TVP23C: variants seen among roughly 807,000 people sequenced by gnomAD.
TVP23C encodes the protein trans-golgi network vesicle protein 23 homolog C, also known as Golgi apparatus membrane protein TVP23 homolog C.
Under a neutral mutation model 28.7 loss-of-function variants are expected in TVP23C, and 19 were observed. That is an observed-to-expected ratio of 0.66 (90% confidence interval 0.46 to 0.97). The LOEUF (loss-of-function observed/expected upper bound fraction) is 0.97, where lower values mean the gene tolerates loss of function less well. Among genes scored for constraint, TVP23C ranks in the 50% least tolerant of loss-of-function variants. The pLI, the probability that TVP23C is intolerant of heterozygous loss-of-function variation, is 0.00. For synonymous variants in TVP23C, 68 were observed against 81.7 expected (o/e 0.83, Z 0.90); for missense variants, 186 against 241.3 (o/e 0.77, Z 1.52).
At chr17:15,548,312 A>C (rs532305456) in intron 3 of TVP23C, among the ~76,000 whole-genome samples, 1 of 152,296 alleles carries the variant, frequency 6.6e-6, no homozygotes, top group East Asian at 1.9e-4. Flanking sequence ...GATTACAGGC[A>C]TGCGCCATCA....
In TVP23C at chr17:15,538,241, T is replaced by C; in HGVS notation, c.*2171A>G. 1 of 1,602,660 alleles carries C rather than the reference T, an allele frequency of 6.2e-7. No individual in the cohort carries two copies. The highest frequency in any genetic ancestry group is 8.5e-7 in the Non-Finnish European group (1 of 1,175,048). On this transcript the variant is annotated 3_prime_UTR_variant, in exon 6 of 6. Coordinates refer to ENST00000518321, the MANE Select transcript of TVP23C (RefSeq NM_001135036.2). The stretch of plus-strand genomic sequence containing the variant: ...TTGGGGCCTAGGCCTAGGAAAACAT[T>C]CTATATTTCTAAGCAGAGCATTACC...
chr17:15,512,867 C>T (rs922226455), intron 5 of TVP23C, among the ~76,000 whole-genome samples: 6 of 152,112 alleles, frequency 3.9e-5, no homozygotes, highest in Non-Finnish European at 7.4e-5. Flanking sequence ...AGGGAGATGA[C>T]CCATCCATCC....
chr17:15,507,439 T>C, intron 5 of TVP23C: 1 of 500,828 alleles, frequency 2.0e-6, no homozygotes, highest in Non-Finnish European at 3.6e-6. Flanking sequence ...GCTCACACTA[T>C]CCTGTCATCT....
chr17:15,545,761 T>C, intron 5 of TVP23C, 24 bp downstream of exon 5: 1 of 1,596,612 alleles, frequency 6.3e-7, no homozygotes. Flanking sequence ...ATGGATTATT[T>C]GAAAGTTCTA....
intron 5 of TVP23C, among the ~76,000 whole-genome samples, chr17:15,511,919 A>T (rs2150829651): frequency 6.6e-6 from 1 of 152,346 alleles, no homozygotes; most frequent in Non-Finnish European, 1.5e-5. Flanking sequence ...AAGTGCCAGG[A>T]AGATTCAAGG....
chr17:15,561,523 C>T (rs994228115), intron 1 of TVP23C, among the ~76,000 whole-genome samples: 2 of 151,058 alleles, frequency 1.3e-5, no homozygotes, highest in South Asian at 2.1e-4. Context: ...CGCTTGAAGC[C>T]GGGAGACGGA....
In TVP23C at chr17:15,537,755, C is replaced by A. The variant is rs924099539; in HGVS notation, c.*2657G>T. 2.9e-6 allele frequency: 3 copies of A among 1,027,948 alleles called. No individual in the cohort carries two copies. Among genetic ancestry groups the A allele is most frequent in the Middle Eastern group, 4.6e-4 (1 of 2,158 alleles). 63.7% of individuals were successfully genotyped at this position (1,027,948 alleles called of 1,614,324 possible). ...TAAACATATAGAGCTTTGAGACAGA[C>A]TAAGAACATCCTCCTATGTTCTATG... On this transcript the variant is annotated 3_prime_UTR_variant, in exon 6 of 6. Transcript: ENST00000518321.
At chr17:15,551,959 T>C (rs774691551) in intron 3 of TVP23C, among the ~76,000 whole-genome samples, 7 of 152,350 alleles carry the variant, frequency 4.6e-5, no homozygotes, top group Middle Eastern at 3.4e-3. Context: ...ATTGTTTTGC[T>C]ATCTATAAGT....
In TVP23C at chr17:15,540,520, C is replaced by G; in HGVS notation, c.504G>C (p.Leu168=). The change falls in exon 6 of 6, where the codon CTG becomes CTC. Residue 168 remains leucine (L), a synonymous_variant. Coordinates refer to ENST00000518321, the MANE Select transcript of TVP23C (RefSeq NM_001135036.2). ...IMGVVLQGAN[L]YGYIRCKVRS... ...GCACCTTACACCTGATGTAACCATA[C>G]AGGTTGGCACCTTGTAGCACCACAC... is the stretch of plus-strand genomic sequence containing the variant. 3 of 1,613,152 alleles carry G rather than the reference C, an allele frequency of 1.9e-6. No homozygotes were observed. The highest frequency in any genetic ancestry group is 2.5e-6 in the Non-Finnish European group (3 of 1,179,644).
At chr17:15,551,360 C>T (rs1983881465) in intron 3 of TVP23C, among the ~76,000 whole-genome samples, 1 of 151,792 alleles carries the variant, frequency 6.6e-6, no homozygotes, top group Admixed American at 6.6e-5. Flanking sequence ...CCCGCCTCAG[C>T]CTCCCAAAGT....
exon 6 of TVP23C, chr17:15,502,363 A>G (rs1006779597): frequency 1.3e-5 from 2 of 149,520 alleles, no homozygotes; most frequent in Non-Finnish European, 2.9e-5. Context: ...TAAGCCTTAC[A>G]CATTAGTCCC....
At chr17:15,526,042 A>T (rs1004206252) in intron 5 of TVP23C, among the ~76,000 whole-genome samples, 2 of 152,168 alleles carry the variant, frequency 1.3e-5, no homozygotes, top group African/African-American at 4.8e-5. Flanking sequence ...ATTTAAACTC[A>T]TGTTTGTCTG....
intron 1 of TVP23C, chr17:15,562,438 C>T (rs1288917977): frequency 6.6e-6 from 1 of 152,050 alleles, no homozygotes; most frequent in Admixed American, 6.5e-5. Flanking sequence ...AGGATGGTCT[C>T]GATCTCTTGA....
chr17:15,523,059 G>C (rs1324612302), intron 5 of TVP23C, among the ~76,000 whole-genome samples: 1 of 152,084 alleles, frequency 6.6e-6, no homozygotes. Context: ...GCCCAGGCTG[G>C]AGTGCAGTGG....
chr17:15,503,120 T>C, exon 6 of TVP23C: 1 of 1,613,004 alleles, frequency 6.2e-7, no homozygotes, highest in East Asian at 2.2e-5. Context: ...CCTCGAGGGA[T>C]GGCCCGGGCA....
chr17:15,502,538 T>C, exon 6 of TVP23C: 1 of 265,420 alleles, frequency 3.8e-6, no homozygotes, highest in Non-Finnish European at 7.0e-6. Flanking sequence ...CTCCTTTGTC[T>C]GGAACCCTCT....
intron 1 of TVP23C, among the ~76,000 whole-genome samples, chr17:15,558,488 A>G (rs1272491931): frequency 2.0e-5 from 3 of 147,716 alleles, no homozygotes; most frequent in Admixed American, 1.4e-4. Context: ...GATGAGATTA[A>G]GTTAAGGATC....
rs1238236569 is a variant in TVP23C at position 15,540,511 on chromosome 17, G to A, written c.513C>T (p.Tyr171=). 4 of 1,612,734 alleles carry A rather than the reference G, an allele frequency of 2.5e-6. No individual in the cohort carries two copies. Among genetic ancestry groups the A allele is most frequent in the Non-Finnish European group, 3.4e-6 (4 of 1,179,600 alleles). The change falls in exon 6 of 6, where the codon TAC becomes TAT. Residue 171 remains tyrosine (Y), a synonymous_variant. Coordinates refer to ENST00000518321, the MANE Select transcript of TVP23C (RefSeq NM_001135036.2). The part of the protein sequence containing the change: ...VVLQGANLYG[Y]IRCKVRSRKH... ...TTCTGCTGCGCACCTTACACCTGAT[G>A]TAACCATACAGGTTGGCACCTTGTA...
chr17:15,548,962 G>A (rs759522965), intron 3 of TVP23C, among the ~76,000 whole-genome samples: 19 of 152,176 alleles, frequency 1.2e-4, no homozygotes, highest in East Asian at 1.9e-4. Context: ...ACTGTTTAGC[G>A]TAGCATATAG....
Sources: allele counts gnomAD v4.1 joint callset (sites outside exome capture counted in the v4.1 genomes callset), GRCh38; gene constraint gnomAD v4.1.1; transcripts MANE v1.5; gene names NCBI Gene and HGNC (gene_info 2026-07-23, HGNC 2026-07-21).